LRMDA: variants seen among roughly 807,000 people sequenced by gnomAD.
LRMDA encodes the protein leucine rich melanocyte differentiation associated, also known as leucine-rich melanocyte differentiation-associated protein.
A neutral mutation model predicts 29.8 loss-of-function variants in LRMDA; 18 were observed. The observed-to-expected ratio is 0.60, with a 90% CI of 0.42 to 0.90. The LOEUF (loss-of-function observed/expected upper bound fraction) is 0.90. Ranked by LOEUF, LRMDA falls within the 40% of genes least tolerant of loss-of-function variation. The pLI is 0.00. For missense variants in LRMDA, 273 were observed against 273.9 expected, an observed-to-expected ratio of 1.00 and a Z score of 0.02; for synonymous variants, 125 against 109.4, an observed-to-expected ratio of 1.14 and a Z score of -0.89.
chr10:76,396,469 C>T (rs1841785588), intron 6 of LRMDA: 1 of 152,124 alleles, frequency 6.6e-6, no homozygotes, highest in African/African-American at 2.4e-5. Context: ...AGAGAGGGGC[C>T]CCTTTCCACT....
At chr10:76,154,954 A>T (rs373123104) in intron 5 of LRMDA, among the ~76,000 whole-genome samples, 1 of 152,178 alleles carries the variant, frequency 6.6e-6, no homozygotes. Context: ...CTTCTTAAGG[A>T]CATTGCCTGG....
At chr10:75,469,729 AG>A (rs1742361257) in intron 2 of LRMDA, among the ~76,000 whole-genome samples, 1 of 152,180 alleles carries the variant, frequency 6.6e-6, no homozygotes, top group South Asian at 2.1e-4. Flanking sequence ...ACTTTTGCAG[AG>A]GGGTGAGTGT....
intron 2 of LRMDA, among the ~76,000 whole-genome samples, chr10:75,731,713 G>A (rs547214237): frequency 6.6e-6 from 1 of 152,180 alleles, no homozygotes; most frequent in African/African-American, 2.4e-5. Flanking sequence ...TGACACGTTG[G>A]TTTCTTCAAC....
intron 6 of LRMDA, among the ~76,000 whole-genome samples, chr10:76,326,614 C>T (rs1271932987): frequency 6.6e-6 from 1 of 152,144 alleles, no homozygotes; most frequent in Non-Finnish European, 1.5e-5. Context: ...TCATCGAGTT[C>T]CCAATCTCTT....
chr10:76,030,968 C>T (rs1416258065), intron 2 of LRMDA, among the ~76,000 whole-genome samples: 1 of 152,258 alleles, frequency 6.6e-6, no homozygotes, highest in East Asian at 1.9e-4. Context: ...AGACATTTCC[C>T]AAGGAGCTGC....
intron 6 of LRMDA, among the ~76,000 whole-genome samples, chr10:76,363,757 G>T (rs1256410936): frequency 6.6e-6 from 1 of 151,758 alleles, no homozygotes. Context: ...TAAAGGCGAA[G>T]TTATTTATTC....
chr10:75,558,191 G>A (rs1399375291), intron 2 of LRMDA, among the ~76,000 whole-genome samples: 1 of 128,064 alleles, frequency 7.8e-6, no homozygotes, highest in Non-Finnish European at 1.6e-5. Flanking sequence ...TGTCTTCCTT[G>A]CCTGATTTGC....
intron 5 of LRMDA, among the ~76,000 whole-genome samples, chr10:76,189,356 CAAA>C (rs35310747): frequency 0.12 from 17,568 of 142,834 alleles, 1,536 homozygotes; most frequent in African/African-American, 0.25. Context: ...GATTCTGTCT[CAAA>C]AAAAAAAAAG....
chr10:76,396,337 G>A (rs937100446), intron 6 of LRMDA, among the ~76,000 whole-genome samples: 5 of 152,212 alleles, frequency 3.3e-5, no homozygotes, highest in African/African-American at 4.8e-5. Context: ...CTAGCCAAAG[G>A]ATCTGTGGTG....
intron 2 of LRMDA, among the ~76,000 whole-genome samples, chr10:75,802,036 A>C (rs1843751381): frequency 6.6e-6 from 1 of 152,162 alleles, no homozygotes; most frequent in African/African-American, 2.4e-5. Context: ...AAAACACATG[A>C]GGCTGAGCAT....
At chr10:76,202,559 G>A (rs1354745412) in intron 5 of LRMDA, among the ~76,000 whole-genome samples, 2 of 152,080 alleles carry the variant, frequency 1.3e-5, no homozygotes, top group Non-Finnish European at 2.9e-5. Context: ...AACTTTATCA[G>A]GTGTGTGTTC....
chr10:76,218,910 A>C (rs1355145592), intron 5 of LRMDA, among the ~76,000 whole-genome samples: 1 of 152,222 alleles, frequency 6.6e-6, no homozygotes, highest in Non-Finnish European at 1.5e-5. Flanking sequence ...ATAGCAGAGG[A>C]GGTGCACAGC....
At chr10:76,548,081 G>A (rs1482116073) in intron 6 of LRMDA, among the ~76,000 whole-genome samples, 2 of 152,096 alleles carry the variant, frequency 1.3e-5, no homozygotes, top group African/African-American at 2.4e-5. Flanking sequence ...AAAAGTAAGC[G>A]GAAAAGCAAA....
At chr10:76,368,121 A>G (rs1841412988) in intron 6 of LRMDA, among the ~76,000 whole-genome samples, 1 of 151,630 alleles carries the variant, frequency 6.6e-6, no homozygotes, top group Non-Finnish European at 1.5e-5. Context: ...GATCTTGGTT[A>G]TTTCTTTTCT....
At chr10:76,152,204 C>T (rs1229092123) in intron 5 of LRMDA, among the ~76,000 whole-genome samples, 1 of 152,188 alleles carries the variant, frequency 6.6e-6, no homozygotes, top group East Asian at 1.9e-4. Flanking sequence ...CCCTGATAAC[C>T]TTAATCAACT....
At chr10:75,583,133 C>T (rs955599715) in intron 2 of LRMDA, among the ~76,000 whole-genome samples, 1 of 152,210 alleles carries the variant, frequency 6.6e-6, no homozygotes, top group Non-Finnish European at 1.5e-5. Flanking sequence ...CTTCTGATCC[C>T]TCCACACTCT....
intron 5 of LRMDA, among the ~76,000 whole-genome samples, chr10:76,277,421 G>A (rs1379267928): frequency 6.6e-6 from 1 of 152,176 alleles, no homozygotes; most frequent in Non-Finnish European, 1.5e-5. Context: ...TCTCATGCAA[G>A]AGGCAGGCTC....
chr10:75,494,382 T>A (rs1177210633), intron 2 of LRMDA, among the ~76,000 whole-genome samples: 1 of 152,174 alleles, frequency 6.6e-6, no homozygotes, highest in African/African-American at 2.4e-5. Flanking sequence ...TAGCGGTTGT[T>A]GAAACAACTT....
chr10:75,777,505 C>T (rs530192866), intron 2 of LRMDA, among the ~76,000 whole-genome samples: 112 of 152,256 alleles, frequency 7.4e-4, no homozygotes, highest in Admixed American at 1.2e-3. Context: ...CAGTCTCCTG[C>T]TTCTGCAACA....
Sources: gnomAD v4.1 joint callset for allele counts (sites outside exome capture counted in the v4.1 genomes callset) on GRCh38, gnomAD v4.1.1 for gene constraint, MANE v1.5 for transcripts, NCBI Gene and HGNC (gene_info 2026-07-23, HGNC 2026-07-21) for gene names.